SAMMSON: variants seen among roughly 807,000 people sequenced by gnomAD.
The protein encoded by SAMMSON is long intergenic non-protein coding RNA 1212.
intron 9 of SAMMSON, among the ~76,000 whole-genome samples, chr3:70,370,777 C>T (rs1049522442): frequency 1.3e-5 from 2 of 152,058 alleles, no homozygotes; most frequent in African/African-American, 2.4e-5. Flanking sequence ...TGTGTCTTCA[C>T]TCTTAATAAT....
chr3:70,287,916 A>G (rs374601524), intron 6 of SAMMSON, among the ~76,000 whole-genome samples: 13,028 of 151,804 alleles, frequency 0.086, 619 homozygotes, highest in South Asian at 0.13. Flanking sequence ...CCCCTTTATC[A>G]TTTTTTATTG....
intron 6 of SAMMSON, among the ~76,000 whole-genome samples, chr3:70,278,799 C>G (rs147145317): frequency 1.1e-4 from 16 of 151,990 alleles, no homozygotes; most frequent in Admixed American, 5.9e-4. Context: ...ACTTATGTTT[C>G]CTATGCCTCA....
intron 4 of SAMMSON, among the ~76,000 whole-genome samples, chr3:70,136,181 A>G (rs866667413): frequency 6.6e-6 from 1 of 152,166 alleles, no homozygotes; most frequent in Non-Finnish European, 1.5e-5. Flanking sequence ...ATGGTGCCCA[A>G]TGATTGTTGC....
chr3:70,371,966 G>A (rs1187601572), intron 9 of SAMMSON, among the ~76,000 whole-genome samples: 1 of 152,050 alleles, frequency 6.6e-6, no homozygotes, highest in African/African-American at 2.4e-5. Context: ...TGTTACCTGT[G>A]AGTTTGTCAT....
chr3:70,044,331 T>C (rs13099113), intron 3 of SAMMSON, among the ~76,000 whole-genome samples: 8,590 of 152,078 alleles, frequency 0.056, 334 homozygotes, highest in South Asian at 0.14. Flanking sequence ...GTAAAGGGGA[T>C]GCAGATTTTT....
intron 3 of SAMMSON, among the ~76,000 whole-genome samples, chr3:70,044,719 C>A (rs2067117653): frequency 1.3e-5 from 2 of 151,100 alleles, no homozygotes; most frequent in South Asian, 2.1e-4. Context: ...TTCTTCTAAG[C>A]AATATTTATT....
chr3:70,378,765 A>G (rs894070067), intron 9 of SAMMSON, among the ~76,000 whole-genome samples: 2 of 152,078 alleles, frequency 1.3e-5, no homozygotes, highest in Admixed American at 6.6e-5. Flanking sequence ...GTATGAAATG[A>G]CATACACATA....
At chr3:70,043,536 T>G (rs563197355) in intron 3 of SAMMSON, among the ~76,000 whole-genome samples, 1 of 152,090 alleles carries the variant, frequency 6.6e-6, no homozygotes, top group Non-Finnish European at 1.5e-5. Flanking sequence ...TAGTTGTTTA[T>G]TTTTGTCGCT....
intron 4 of SAMMSON, among the ~76,000 whole-genome samples, chr3:70,189,808 G>A (rs961759250): frequency 1.4e-5 from 2 of 146,036 alleles, no homozygotes; most frequent in East Asian, 3.9e-4. Context: ...GTCCTGCACC[G>A]TAGGCACATT....
intron 7 of SAMMSON, among the ~76,000 whole-genome samples, chr3:70,334,888 A>T (rs1442454584): frequency 2.6e-5 from 4 of 152,118 alleles, no homozygotes; most frequent in Admixed American, 2.6e-4. Flanking sequence ...AAAGAAATAC[A>T]TATGTCTACT....
At chr3:70,044,645 A>C (rs1459273244) in intron 3 of SAMMSON, among the ~76,000 whole-genome samples, 9 of 152,040 alleles carry the variant, frequency 5.9e-5, no homozygotes, top group Non-Finnish European at 8.8e-5. Context: ...AGACAGACTA[A>C]GGAGTAGAAA....
At chr3:70,216,775 G>A (rs1701416031) in intron 4 of SAMMSON, among the ~76,000 whole-genome samples, 1 of 152,072 alleles carries the variant, frequency 6.6e-6, no homozygotes, top group Non-Finnish European at 1.5e-5. Context: ...TTCCCAATCA[G>A]GGCAGATTTT....
At chr3:70,167,661 T>C (rs981071374) in intron 4 of SAMMSON, among the ~76,000 whole-genome samples, 5 of 151,848 alleles carry the variant, frequency 3.3e-5, no homozygotes, top group African/African-American at 9.7e-5. Context: ...TCTGGTCAAC[T>C]AGATGCATCA....
At chr3:70,386,519 A>G (rs1458994944) in intron 9 of SAMMSON, among the ~76,000 whole-genome samples, 2 of 152,134 alleles carry the variant, frequency 1.3e-5, no homozygotes, top group Non-Finnish European at 2.9e-5. Context: ...GAGACTGCAT[A>G]TTGCCCTCTG....
At chr3:70,317,593 T>C (rs1702503890) in intron 7 of SAMMSON, among the ~76,000 whole-genome samples, 1 of 151,232 alleles carries the variant, frequency 6.6e-6, no homozygotes, top group South Asian at 2.1e-4. Context: ...TGTGTATCTG[T>C]ATGTATATAT....
At chr3:70,290,110 C>T (rs899092965) in intron 6 of SAMMSON, among the ~76,000 whole-genome samples, 135 of 152,342 alleles carry the variant, frequency 8.9e-4, no homozygotes, top group Middle Eastern at 3.4e-3. Context: ...TGAGGAGCTG[C>T]GTTCCTTTGT....
intron 7 of SAMMSON, among the ~76,000 whole-genome samples, chr3:70,347,420 A>T (rs1213433526): frequency 6.6e-6 from 1 of 150,686 alleles, no homozygotes; most frequent in Non-Finnish European, 1.5e-5. Context: ...AGCCATAGTA[A>T]TTTTTCGGAA....
intron 6 of SAMMSON, among the ~76,000 whole-genome samples, chr3:70,264,237 CTCTTGACCTT>C (rs1701893941): frequency 1.3e-5 from 2 of 152,200 alleles, no homozygotes; most frequent in Non-Finnish European, 2.9e-5. Flanking sequence ...CTCTTGACCT[CTCTTGACCTT>C]AAAAAGGCCT....
intron 3 of SAMMSON, among the ~76,000 whole-genome samples, chr3:70,048,116 T>G (rs1439154411): frequency 6.6e-6 from 1 of 152,116 alleles, no homozygotes; most frequent in Non-Finnish European, 1.5e-5. Context: ...CATTCATTTT[T>G]TTTTACACAT....
Sources: allele counts gnomAD v4.1 joint callset (sites outside exome capture counted in the v4.1 genomes callset), GRCh38; gene constraint gnomAD v4.1.1; transcripts MANE v1.5; gene names NCBI Gene and HGNC (gene_info 2026-07-23, HGNC 2026-07-21).